TAFA2: variants seen among roughly 807,000 people sequenced by gnomAD.
TAFA2 encodes chemokine-like protein TAFA-2.
Under a neutral mutation model 18.8 loss-of-function variants are expected in TAFA2, and 7 were observed. The observed-to-expected ratio is 0.37, with a 90% CI of 0.21 to 0.70. The LOEUF (loss-of-function observed/expected upper bound fraction) is 0.70. Among genes scored for constraint, TAFA2 ranks in the 30% least tolerant of loss-of-function variants. The probability of loss-of-function intolerance (pLI) is 0.53; values close to 1 mark genes in which losing one functional copy is unlikely to be tolerated. For missense variants in TAFA2, 122 were observed against 158.1 expected (o/e 0.77, Z 1.23); for synonymous variants, 60 against 54.2 (o/e 1.11, Z -0.47).
At chr12:61,757,497 A>G (rs1869330217) in intron 2 of TAFA2, among the ~76,000 whole-genome samples, 1 of 152,068 alleles carries the variant, frequency 6.6e-6, no homozygotes, top group Non-Finnish European at 1.5e-5. Context: ...AACAACATTT[A>G]TAAAATAAAG....
chr12:61,820,554 G>T (rs1397593619), intron 2 of TAFA2, among the ~76,000 whole-genome samples: 1 of 150,576 alleles, frequency 6.6e-6, no homozygotes, highest in Admixed American at 6.6e-5. Context: ...GAAGGAGAAA[G>T]AAAGGAAGGA....
Position 61,754,896 on chromosome 12 carries a change from G to T in TAFA2, c.235C>A (p.Arg79=). The T allele has an allele frequency of 6.2e-7, 1 of 1,612,768 alleles. No homozygotes were observed. Among genetic ancestry groups the T allele is most frequent in the Non-Finnish European group, 8.5e-7 (1 of 1,179,306 alleles). Residue 79 remains arginine (R), a synonymous_variant, in exon 3 of 5, where the codon CGA becomes AGA. Coordinates refer to ENST00000416284, the MANE Select transcript of TAFA2 (RefSeq NM_178539.5). ...CCATCCACACATGATGGAGCAGCTC[G>T]CGTGGTGCCTGCCACCTGCCCAGGG... ...CFPGQVAGTT[R]AAPSCVDASI...
chr12:62,110,019 A>T (rs541707329), intron 1 of TAFA2, among the ~76,000 whole-genome samples: 5 of 152,240 alleles, frequency 3.3e-5, no homozygotes, highest in African/African-American at 1.2e-4. Flanking sequence ...TACTATGTTG[A>T]ATAGGAGTGG....
chr12:62,125,896 G>A (rs1870436910), intron 1 of TAFA2, among the ~76,000 whole-genome samples: 1 of 151,946 alleles, frequency 6.6e-6, no homozygotes, highest in East Asian at 1.9e-4. Context: ...TTGTTTATTG[G>A]GATATACTGA....
chr12:61,912,420 C>A (rs557780685), intron 1 of TAFA2, among the ~76,000 whole-genome samples: 1 of 152,222 alleles, frequency 6.6e-6, no homozygotes, highest in Admixed American at 6.5e-5. Context: ...AAATTAGTTT[C>A]ATCTATTTTA....
At chr12:62,255,966 T>G (rs111523434) in intron 1 of TAFA2, among the ~76,000 whole-genome samples, 90 of 151,564 alleles carry the variant, frequency 5.9e-4, no homozygotes, top group African/African-American at 1.8e-3. Flanking sequence ...GTACACTTTA[T>G]GTACTTCTTA....
intron 4 of TAFA2, among the ~76,000 whole-genome samples, chr12:61,735,650 G>T (rs1024858509): frequency 6.6e-6 from 1 of 151,464 alleles, no homozygotes; most frequent in Non-Finnish European, 1.5e-5. Context: ...CTCCTCTTTT[G>T]CCTTCTTTTG....
intron 1 of TAFA2, among the ~76,000 whole-genome samples, chr12:61,961,184 C>G (rs1878872016): frequency 6.6e-6 from 1 of 151,828 alleles, no homozygotes; most frequent in African/African-American, 2.4e-5. Flanking sequence ...TGTAAACCAT[C>G]AGATCTCTGA....
intron 2 of TAFA2, among the ~76,000 whole-genome samples, chr12:61,755,718 A>G (rs1869232664): frequency 6.6e-6 from 1 of 152,106 alleles, no homozygotes. Flanking sequence ...ACCCAGTCCA[A>G]TAAGCTGTCA....
At chr12:61,752,154 AG>A (rs953773783) in intron 4 of TAFA2, among the ~76,000 whole-genome samples, 4 of 152,116 alleles carry the variant, frequency 2.6e-5, no homozygotes, top group African/African-American at 9.6e-5. Flanking sequence ...CTGTAAAAGG[AG>A]ATAATAACAC....
intron 1 of TAFA2, among the ~76,000 whole-genome samples, chr12:62,069,472 T>C (rs1882572373): frequency 6.6e-6 from 1 of 152,126 alleles, no homozygotes; most frequent in African/African-American, 2.4e-5. Flanking sequence ...AGATAGCTAC[T>C]TTCAGATGCT....
intron 1 of TAFA2, among the ~76,000 whole-genome samples, chr12:61,972,608 G>A (rs1879287872): frequency 6.6e-6 from 1 of 151,662 alleles, no homozygotes; most frequent in African/African-American, 2.4e-5. Context: ...AAAGGACTAA[G>A]CAGTAAATAA....
chr12:61,945,042 T>C (rs551219268), intron 1 of TAFA2, among the ~76,000 whole-genome samples: 2 of 150,276 alleles, frequency 1.3e-5, no homozygotes, highest in African/African-American at 2.5e-5. Flanking sequence ...TGAACACTGA[T>C]GCAAAAATCC....
At chr12:62,003,151 T>A (rs980168096) in intron 1 of TAFA2, among the ~76,000 whole-genome samples, 1 of 152,160 alleles carries the variant, frequency 6.6e-6, no homozygotes, top group South Asian at 2.1e-4. Flanking sequence ...TCTTTCTCCA[T>A]CTACAGTCTA....
intron 1 of TAFA2, among the ~76,000 whole-genome samples, chr12:61,970,099 T>C (rs1879197087): frequency 1.3e-5 from 2 of 151,668 alleles, no homozygotes; most frequent in South Asian, 2.1e-4. Context: ...CCCAGTTGTA[T>C]ACCAAATTCA....
chr12:61,917,549 G>A (rs773349586), intron 1 of TAFA2, among the ~76,000 whole-genome samples: 35 of 151,710 alleles, frequency 2.3e-4, no homozygotes, highest in Admixed American at 4.6e-4. Context: ...TTCCCCTCCC[G>A]TGCCCACCCA....
chr12:61,842,346 C>T (rs1316019869), intron 2 of TAFA2, among the ~76,000 whole-genome samples: 1 of 151,918 alleles, frequency 6.6e-6, no homozygotes, highest in Non-Finnish European at 1.5e-5. Context: ...GTTCTAAAGG[C>T]AGATGCTATT....
chr12:61,736,424 A>G (rs1283005187), intron 4 of TAFA2, among the ~76,000 whole-genome samples: 2 of 152,070 alleles, frequency 1.3e-5, no homozygotes, highest in African/African-American at 4.8e-5. Flanking sequence ...TGTGGATTCA[A>G]CTTTACTGAT....
intron 1 of TAFA2, among the ~76,000 whole-genome samples, chr12:61,912,715 C>T (rs1194910431): frequency 6.6e-6 from 1 of 152,190 alleles, no homozygotes; most frequent in African/African-American, 2.4e-5. Context: ...CTCCTGTTCA[C>T]TTCCCCCTGG....
Sources: gnomAD v4.1 joint callset for allele counts (sites outside exome capture counted in the v4.1 genomes callset) on GRCh38, gnomAD v4.1.1 for gene constraint, MANE v1.5 for transcripts, NCBI Gene and HGNC (gene_info 2026-07-23, HGNC 2026-07-21) for gene names.